The following ERCC6 variants were observed in gnomAD, a reference collection of about 807,000 sequenced individuals.
ERCC6 encodes DNA excision repair protein ERCC-6.
In ERCC6, 116 loss-of-function variants were observed where a neutral mutation model predicts 158.7. The observed-to-expected ratio is 0.73, with a 90% CI of 0.63 to 0.85. The LOEUF (loss-of-function observed/expected upper bound fraction) is 0.85. ERCC6 is among the 40% of genes least tolerant of loss of function. ERCC6 has a pLI of 0.00. For synonymous variants in ERCC6, 678 were observed against 659.3 expected, an observed-to-expected ratio of 1.03 and a Z score of -0.43; for missense variants, 1,698 against 1,799.4, an observed-to-expected ratio of 0.94 and a Z score of 1.02.
In ERCC6 at chr10:49,456,721, C is replaced by T. The variant is rs1332523072; in HGVS notation, c.*2094G>A. On this transcript the variant is annotated 3_prime_UTR_variant, in exon 21 of 21. Coordinates refer to ENST00000355832, the MANE Select transcript of ERCC6 (RefSeq NM_000124.4). ...GTTAAATACATTAAATCTATTTACACTGTACAAAGCTTTTAAAGTTCTAAA... is the reference window on the plus strand; with the variant it reads ...GTTAAATACATTAAATCTATTTACATTGTACAAAGCTTTTAAAGTTCTAAA... 2 of 152,202 alleles carry T rather than the reference C, an allele frequency of 1.3e-5. No homozygotes were observed. Among genetic ancestry groups the T allele is most frequent in the Non-Finnish European group, 2.9e-5 (2 of 68,040 alleles). The allele number at this position is 152,202 out of a possible 1,614,324, so 9.4% of individuals were successfully genotyped here.
At position 49,516,256 on chromosome 10, in the gene ERCC6, G is replaced by A. The variant is rs200302619; in HGVS notation, c.1397+7777C>T. Reference sequence around the variant, plus strand: ...TAGCCAAACCGAATGGGCTTTCCCCGAATAAATTGTTTGCACCCGTGACGA... The same window carrying A: ...TAGCCAAACCGAATGGGCTTTCCCCAAATAAATTGTTTGCACCCGTGACGA... On this transcript the variant is annotated intron_variant, in intron 5 of 20. Coordinates refer to ENST00000355832, the MANE Select transcript of ERCC6 (RefSeq NM_000124.4). 183 of 1,613,970 alleles carry A rather than the reference G, an allele frequency of 1.1e-4. No individual in the cohort carries two copies. The highest frequency in any genetic ancestry group is 1.3e-4 in the Non-Finnish European group (155 of 1,180,022).
intron 7 of ERCC6, among the ~76,000 whole-genome samples, chr10:49,494,432 T>G (rs1019948847): frequency 3.3e-5 from 5 of 152,222 alleles, no homozygotes; most frequent in African/African-American, 9.6e-5. Context: ...CCATAATTTT[T>G]AAAAATTATT....
Position 49,506,041 on chromosome 10 carries a change from A to G in ERCC6, c.1398-29T>C, listed in dbSNP as rs772890137. On this transcript the variant is annotated intron_variant, in intron 5 of 20. Coordinates refer to ENST00000355832, the MANE Select transcript of ERCC6 (RefSeq NM_000124.4). The stretch of plus-strand genomic sequence containing the variant: ...CCATGAAAATAAAAATCACATTTCC[A>G]TTATTTTGATCACAAGACAGATTTA... 22 of 1,611,174 alleles carry G rather than the reference A, an allele frequency of 1.4e-5. No homozygotes were observed. The South Asian group carries it at 2.4e-4, about 18-fold the overall frequency.
At chr10:49,460,821 A>T (rs1342397528) in intron 19 of ERCC6, among the ~76,000 whole-genome samples, 1 of 151,964 alleles carries the variant, frequency 6.6e-6, no homozygotes, top group Non-Finnish European at 1.5e-5. Flanking sequence ...CTCAGGAAGC[A>T]GAGAATGCAG....
At chr10:49,534,500 T>C (rs1837551127) in intron 1 of ERCC6, among the ~76,000 whole-genome samples, 1 of 152,212 alleles carries the variant, frequency 6.6e-6, no homozygotes, top group South Asian at 2.1e-4. Context: ...AAAAAATTCA[T>C]GGTATGAACA....
chr10:49,466,518 A>C (rs1417379446), intron 18 of ERCC6, among the ~76,000 whole-genome samples: 1 of 152,238 alleles, frequency 6.6e-6, no homozygotes, highest in Admixed American at 6.5e-5. Flanking sequence ...GCTAAAGTAC[A>C]GTATTTGGTA....
chr10:49,439,623 C>T, the ERCC6 span, among the ~76,000 whole-genome samples: 507 of 152,288 alleles, frequency 3.3e-3, 4 homozygotes, highest in African/African-American at 0.012. Flanking sequence ...TTTCTACAGC[C>T]GACTTGAATT....
chr10:49,515,962 G>A, intron 5 of ERCC6: 1 of 1,614,138 alleles, frequency 6.2e-7, no homozygotes, highest in South Asian at 1.1e-5. Context: ...TCTGATTCCA[G>A]TGGAACTCTG....
intron 5 of ERCC6, chr10:49,517,199 G>A: frequency 2.7e-6 from 4 of 1,499,316 alleles, no homozygotes; most frequent in Non-Finnish European, 3.6e-6. Flanking sequence ...CATGAAAAAT[G>A]TCAAACCCAT....
chr10:49,525,205 A>G, intron 4 of ERCC6: 1 of 205,496 alleles, frequency 4.9e-6, no homozygotes, highest in Non-Finnish European at 1.0e-5. Context: ...CAGTAAAACC[A>G]AAAACAGGGA....
chr10:49,448,427 ATTAT>A, the ERCC6 span, among the ~76,000 whole-genome samples: 3 of 152,074 alleles, frequency 2.0e-5, no homozygotes, highest in Non-Finnish European at 4.4e-5. Context: ...CCTTATGTTA[ATTAT>A]TTATTAACAA....
At chr10:49,492,583 T>A (rs1364471514) in intron 8 of ERCC6, among the ~76,000 whole-genome samples, 1 of 152,180 alleles carries the variant, frequency 6.6e-6, no homozygotes, top group East Asian at 1.9e-4. Context: ...ACTGTGATAT[T>A]ACCAAACTCT....
the ERCC6 span, among the ~76,000 whole-genome samples, chr10:49,446,239 ACACACACACACACACACACC>A: frequency 1.5e-5 from 2 of 130,394 alleles, no homozygotes; most frequent in African/African-American, 2.9e-5. Context: ...ACACACACAC[ACACACACACACACACACACC>A]CCCCAATTTA....
chr10:49,468,618 C>T (rs147620907), intron 18 of ERCC6, among the ~76,000 whole-genome samples: 4 of 152,244 alleles, frequency 2.6e-5, no homozygotes, highest in Admixed American at 6.5e-5. Flanking sequence ...TATATATGCA[C>T]GTATGTATGT....
At chr10:49,507,089 C>T (rs577702875) in intron 5 of ERCC6, among the ~76,000 whole-genome samples, 1 of 152,278 alleles carries the variant, frequency 6.6e-6, no homozygotes, top group East Asian at 1.9e-4. Flanking sequence ...ACTACACATG[C>T]TGCCTGGCCA....
intron 5 of ERCC6, among the ~76,000 whole-genome samples, chr10:49,508,321 G>C (rs1053932532): frequency 6.6e-6 from 1 of 152,070 alleles, no homozygotes; most frequent in Non-Finnish European, 1.5e-5. Context: ...CATTTCCTTA[G>C]ACTTAGCCAG....
At chr10:49,453,198 GTTATT>G (rs1458661737), downstream of ERCC6, among the ~76,000 whole-genome samples, 1 of 151,970 alleles carries the variant, frequency 6.6e-6, no homozygotes, top group Non-Finnish European at 1.5e-5. Flanking sequence ...TATTTCTGGA[GTTATT>G]TTATTAGTGG....
the ERCC6 span, among the ~76,000 whole-genome samples, chr10:49,442,967 G>C: frequency 6.6e-6 from 1 of 152,152 alleles, no homozygotes; most frequent in African/African-American, 2.4e-5. Context: ...GAAAATGTTA[G>C]AGTGTCACTC....
intron 3 of ERCC6, among the ~76,000 whole-genome samples, chr10:49,529,251 C>G (rs1290481972): frequency 1.3e-5 from 2 of 152,194 alleles, no homozygotes; most frequent in Non-Finnish European, 2.9e-5. Flanking sequence ...AGGGGAAATC[C>G]TGAACATAAA....
Sources: allele counts gnomAD v4.1 joint callset (sites outside exome capture counted in the v4.1 genomes callset), GRCh38; gene constraint gnomAD v4.1.1; transcripts MANE v1.5; gene names NCBI Gene and HGNC (gene_info 2026-07-23, HGNC 2026-07-21).